The following ST6GALNAC3 variants were observed in gnomAD, a reference collection of about 807,000 sequenced individuals.
ST6GALNAC3 encodes the protein ST6 N-acetylgalactosaminide alpha-2,6-sialyltransferase 3.
A neutral mutation model predicts 32.7 loss-of-function variants in ST6GALNAC3; 25 were observed. The ratio of observed to expected loss-of-function variants is 0.76; its 90% CI spans 0.56 to 1.07. ST6GALNAC3 has a LOEUF of 1.07. Ranked by LOEUF, ST6GALNAC3 falls within the 50% of genes least tolerant of loss-of-function variation. The pLI is 0.00. For missense variants in ST6GALNAC3, 355 were observed against 382.4 expected, an observed-to-expected ratio of 0.93 and a Z score of 0.60; for synonymous variants, 129 against 133.1, an observed-to-expected ratio of 0.97 and a Z score of 0.21.
intron 3 of ST6GALNAC3, among the ~76,000 whole-genome samples, chr1:76,518,983 T>C (rs1662344866): frequency 6.6e-6 from 1 of 152,118 alleles, no homozygotes; most frequent in Non-Finnish European, 1.5e-5. Flanking sequence ...GGAGAATCAC[T>C]TGAACCCGGA....
rs371954659 is a variant in ST6GALNAC3 at position 76,509,424 on chromosome 1, A to G, written c.623+97007A>G. 1.8e-4 allele frequency among the ~76,000 whole-genome samples: 28 copies of G among 152,336 alleles called. No individual in the cohort carries two copies. In the South Asian group the frequency reaches 5.6e-3, roughly 30 times the overall value. On this transcript the variant is annotated intron_variant, in intron 3 of 4. Coordinates refer to ENST00000328299, the MANE Select transcript of ST6GALNAC3 (RefSeq NM_152996.4). This position sits in a 1 kb window ranked among gnomAD's most constrained non-coding sequence, Gnocchi z 5.5. ...CTACAGGATTTTCTTGGTCAGAATC[A>G]TAAAAAGATAGAGAAGCCATGCTAA...
chr1:76,590,434 C>T (rs1429233595), intron 3 of ST6GALNAC3, among the ~76,000 whole-genome samples: 2 of 152,120 alleles, frequency 1.3e-5, no homozygotes, highest in African/African-American at 4.8e-5. Flanking sequence ...TGGAATTAAA[C>T]AAGAACCATA....
intron 2 of ST6GALNAC3, among the ~76,000 whole-genome samples, chr1:76,363,656 A>G (rs1266308952): frequency 6.6e-6 from 1 of 152,212 alleles, no homozygotes; most frequent in Admixed American, 6.5e-5. Flanking sequence ...GAGACTGGGT[A>G]ATTTATAAAG....
chr1:76,077,460 C>A (rs569989567), intron 1 of ST6GALNAC3, among the ~76,000 whole-genome samples: 8 of 152,056 alleles, frequency 5.3e-5, no homozygotes, highest in Non-Finnish European at 1.0e-4. Flanking sequence ...CCACAGAGGG[C>A]TTCCTATATA....
At chr1:76,597,418 C>T (rs899695369) in intron 3 of ST6GALNAC3, among the ~76,000 whole-genome samples, 60 of 152,146 alleles carry the variant, frequency 3.9e-4, no homozygotes, top group African/African-American at 1.3e-3. Flanking sequence ...ATACACACAA[C>T]GCTAAGATCT....
intron 3 of ST6GALNAC3, among the ~76,000 whole-genome samples, chr1:76,466,530 C>A (rs1035513011): frequency 6.6e-6 from 1 of 152,068 alleles, no homozygotes; most frequent in African/African-American, 2.4e-5. Flanking sequence ...TGACTGGACT[C>A]ATATACTACT....
intron 1 of ST6GALNAC3, among the ~76,000 whole-genome samples, chr1:76,277,685 T>C (rs1557747548): frequency 6.6e-6 from 1 of 151,670 alleles, no homozygotes; most frequent in East Asian, 1.9e-4. Context: ...TATATGTCTT[T>C]AACTTAACGT....
chr1:76,417,515 T>C (rs1654728834), intron 3 of ST6GALNAC3, among the ~76,000 whole-genome samples: 1 of 152,146 alleles, frequency 6.6e-6, no homozygotes, highest in Admixed American at 6.6e-5. Flanking sequence ...TAGTGGCACA[T>C]TGTGCCACAC....
intron 1 of ST6GALNAC3, among the ~76,000 whole-genome samples, chr1:76,201,752 C>T (rs944581496): frequency 5.9e-5 from 9 of 152,164 alleles, no homozygotes; most frequent in East Asian, 3.9e-4. Context: ...GAGTGGAAAT[C>T]GCAGGCCTCT....
At chr1:76,491,945 G>A (rs559982238) in intron 3 of ST6GALNAC3, among the ~76,000 whole-genome samples, 68 of 152,098 alleles carry the variant, frequency 4.5e-4, no homozygotes, top group African/African-American at 1.5e-3. Context: ...GATCATTTTC[G>A]TCTCTGATAA....
rs1042252452 is a variant in ST6GALNAC3, at chr1:76,412,286, T to C, written c.492T>C (p.Asp164=). Residue 164 remains aspartate (D), a synonymous_variant, in exon 3 of 5, where the codon GAT becomes GAC. Transcript: ENST00000328299. ...IWGPFRNMRK[D]GNGIVYNMLK... ...GACCTTTCCGCAATATGAGGAAAGATGGCAATGGCATCGTTTACAACATGT... is the reference window on the plus strand; with the variant it reads ...GACCTTTCCGCAATATGAGGAAAGACGGCAATGGCATCGTTTACAACATGT... 1.9e-6 allele frequency: 3 copies of C among 1,613,682 alleles called. No individual in the cohort carries two copies. The highest frequency in any genetic ancestry group is 2.7e-5 in the African/African-American group (2 of 74,870).
chr1:76,183,783 A>G (rs1274228363), intron 1 of ST6GALNAC3, among the ~76,000 whole-genome samples: 1 of 149,882 alleles, frequency 6.7e-6, no homozygotes, highest in African/African-American at 2.5e-5. Flanking sequence ...CAGTAAAATT[A>G]TGGTATTATA....
intron 3 of ST6GALNAC3, among the ~76,000 whole-genome samples, chr1:76,603,664 T>G (rs536756670): frequency 1.1e-4 from 16 of 152,298 alleles, no homozygotes; most frequent in African/African-American, 3.8e-4. Context: ...TCTGTCTGTT[T>G]TATTTACTCA....
At chr1:76,313,374 TACA>T (rs1646804231) in intron 1 of ST6GALNAC3, among the ~76,000 whole-genome samples, 1 of 152,116 alleles carries the variant, frequency 6.6e-6, no homozygotes, top group South Asian at 2.1e-4. Context: ...AGTGAAAAAG[TACA>T]ACAATAGAAG....
intron 1 of ST6GALNAC3, among the ~76,000 whole-genome samples, chr1:76,199,910 G>A (rs1433575660): frequency 6.6e-6 from 1 of 152,174 alleles, no homozygotes; most frequent in East Asian, 1.9e-4. Context: ...TGTTTGTCCT[G>A]AAGGAGTTGG....
intron 1 of ST6GALNAC3, among the ~76,000 whole-genome samples, chr1:76,295,229 A>T (rs1293187299): frequency 6.6e-6 from 1 of 152,126 alleles, no homozygotes; most frequent in African/African-American, 2.4e-5. Context: ...TTGATATCAA[A>T]GAGCTTCTTG....
intron 1 of ST6GALNAC3, among the ~76,000 whole-genome samples, chr1:76,132,363 G>A (rs1301182139): frequency 1.3e-5 from 2 of 152,080 alleles, no homozygotes; most frequent in Non-Finnish European, 2.9e-5. Context: ...GGAGGGGGGA[G>A]TATCTGAATC....
At chr1:76,248,058 C>A (rs72998539) in intron 1 of ST6GALNAC3, among the ~76,000 whole-genome samples, 2 of 151,932 alleles carry the variant, frequency 1.3e-5, no homozygotes, top group Non-Finnish European at 2.9e-5. Flanking sequence ...CTTGGCTGGG[C>A]GAGGGAGGTC....
chr1:76,357,130 C>CTTTTTTTTTTTTTTTTTTTCTTT (rs55786044), intron 2 of ST6GALNAC3, among the ~76,000 whole-genome samples: 1 of 111,176 alleles, frequency 9.0e-6, no homozygotes, highest in African/African-American at 3.4e-5. Flanking sequence ...TTTTCTTTTT[C>CTTTTTTTTTTTTTTTTTTTCTTT]TTTTTTTTTT....
Sources: allele counts gnomAD v4.1 joint callset (sites outside exome capture counted in the v4.1 genomes callset), GRCh38; gene constraint gnomAD v4.1.1; non-coding constraint Gnocchi (gnomAD v3.1); transcripts MANE v1.5; gene names NCBI Gene and HGNC (gene_info 2026-07-23, HGNC 2026-07-21).